CNGA3: variants seen among roughly 807,000 people sequenced by gnomAD.
The protein encoded by CNGA3 is cyclic nucleotide-gated channel alpha-3.
A neutral mutation model predicts 46.6 loss-of-function variants in CNGA3; 42 were observed. The ratio of observed to expected loss-of-function variants is 0.90; its 90% CI spans 0.70 to 1.17. The LOEUF (loss-of-function observed/expected upper bound fraction) is 1.17, where lower values mean the gene tolerates loss of function less well. Ranked by LOEUF, CNGA3 falls within the 50% of genes most tolerant of loss-of-function variation. CNGA3 has a pLI of 0.00. For missense variants in CNGA3, 893 were observed against 890.7 expected, an observed-to-expected ratio of 1.00 and a Z score of -0.03; for synonymous variants, 394 against 369.4, an observed-to-expected ratio of 1.07 and a Z score of -0.76.
At chr2:98,366,984 T>G (rs1292543947) in intron 1 of CNGA3, among the ~76,000 whole-genome samples, 1 of 152,066 alleles carries the variant, frequency 6.6e-6, no homozygotes, top group Non-Finnish European at 1.5e-5. Context: ...CTCTTTTGGC[T>G]GAGAATGAGA....
intron 2 of CNGA3, among the ~76,000 whole-genome samples, chr2:98,375,059 C>G (rs1391535547): frequency 6.6e-6 from 1 of 152,238 alleles, no homozygotes; most frequent in Non-Finnish European, 1.5e-5. Context: ...GCCACCTTTC[C>G]ACTCTGCCTC....
Position 98,395,978 on chromosome 2 carries a change from T to A in CNGA3, c.808T>A (p.Tyr270Asn), listed in dbSNP as rs768321000. 6.2e-7 allele frequency: 1 copy of A among 1,614,224 alleles called. No individual in the cohort carries two copies. Among genetic ancestry groups the A allele is most frequent in the Non-Finnish European group, 8.5e-7 (1 of 1,180,030 alleles). The stretch of plus-strand genomic sequence containing the variant: ...GGCTTACTTAAAGGTGGGCACAAAC[T>A]ACCCAGAAGTGAGGTTCAACCGCCT... ...DLAYLKVGTN[Y>N]PEVRFNRLLK... The change falls in exon 8 of 8, where the codon TAC becomes AAC. Residue 270 changes from tyrosine (Y) to asparagine (N), a missense_variant. By Grantham distance (143) the Tyr-to-Asn change is moderately radical. This residue lies in a region of CNGA3 where 548 missense variants were observed against 570.8 expected (regional missense o/e 0.96). Coordinates refer to ENST00000272602, the MANE Select transcript of CNGA3 (RefSeq NM_001298.3).
chr2:98,392,310 A>G (rs1399184895), intron 7 of CNGA3, among the ~76,000 whole-genome samples: 2 of 152,216 alleles, frequency 1.3e-5, no homozygotes, highest in Non-Finnish European at 2.9e-5. Context: ...CTGTAATCCT[A>G]GGACTTTGGG....
intron 7 of CNGA3, among the ~76,000 whole-genome samples, chr2:98,393,786 G>T (rs1214697808): frequency 6.6e-6 from 1 of 151,970 alleles, no homozygotes. Flanking sequence ...GGAGGCACAG[G>T]AATCACACTC....
chr2:98,350,634 C>T (rs779162242), intron 1 of CNGA3: 1 of 152,230 alleles, frequency 6.6e-6, no homozygotes, highest in Non-Finnish European at 1.5e-5. Context: ...TGAATCATCT[C>T]TGCAGAGACC....
At chr2:98,372,953 C>A (rs1197920252) in intron 2 of CNGA3, among the ~76,000 whole-genome samples, 3 of 152,204 alleles carry the variant, frequency 2.0e-5, no homozygotes, top group Non-Finnish European at 4.4e-5. Context: ...AATACAGTAT[C>A]CCGTGGAAAC....
At chr2:98,395,090 T>A (rs1692877024) in intron 7 of CNGA3, among the ~76,000 whole-genome samples, 1 of 152,194 alleles carries the variant, frequency 6.6e-6, no homozygotes, top group Non-Finnish European at 1.5e-5. Flanking sequence ...GATCTTACTG[T>A]GACTTGTGTT....
At chr2:98,367,277 C>G in intron 1 of CNGA3, among the ~76,000 whole-genome samples, 1 of 151,066 alleles carries the variant, frequency 6.6e-6, no homozygotes, top group Non-Finnish European at 1.5e-5. Flanking sequence ...TCACCGCAAG[C>G]TCCGCCTCCC....
At chr2:98,388,595 G>A (rs1482995998) in intron 5 of CNGA3, among the ~76,000 whole-genome samples, 2 of 152,240 alleles carry the variant, frequency 1.3e-5, no homozygotes, top group African/African-American at 2.4e-5. Context: ...GGGCTTATAA[G>A]TAAAGAGAGT....
chr2:98,372,859 C>T (rs1489089950), intron 2 of CNGA3, among the ~76,000 whole-genome samples: 1 of 152,162 alleles, frequency 6.6e-6, no homozygotes, highest in Non-Finnish European at 1.5e-5. Context: ...CCAAGCCCTG[C>T]TGTTTCAGCC....
chr2:98,349,994 C>T (rs62156268), intron 1 of CNGA3, among the ~76,000 whole-genome samples: 19,194 of 152,190 alleles, frequency 0.13, 1,803 homozygotes, highest in Non-Finnish European at 0.19. Flanking sequence ...TAGTTTTGCT[C>T]CAAGGAAAAC....
At chr2:98,378,573 T>C (rs377524191) in intron 3 of CNGA3, among the ~76,000 whole-genome samples, 82 of 152,372 alleles carry the variant, frequency 5.4e-4, no homozygotes, top group African/African-American at 1.9e-3. Flanking sequence ...TTATTCTTCA[T>C]GCTTTTCATT....
chr2:98,347,294 A>C (rs1398553854), intron 1 of CNGA3: 1 of 152,146 alleles, frequency 6.6e-6, no homozygotes, highest in Non-Finnish European at 1.5e-5. Flanking sequence ...TCGGTGATGG[A>C]GGAGAAGGGG....
At chr2:98,384,413 T>C (rs887558640) in intron 5 of CNGA3, among the ~76,000 whole-genome samples, 12 of 152,294 alleles carry the variant, frequency 7.9e-5, no homozygotes, top group Admixed American at 5.2e-4. Flanking sequence ...CCTATATCAG[T>C]GAGAAATGCC....
chr2:98,354,142 T>C (rs989247994), intron 1 of CNGA3, among the ~76,000 whole-genome samples: 19 of 152,236 alleles, frequency 1.2e-4, no homozygotes, highest in South Asian at 2.1e-4. Context: ...TAGTAGTACC[T>C]AATACAGTGT....
At chr2:98,390,614 G>A (rs575514787) in intron 6 of CNGA3, among the ~76,000 whole-genome samples, 53 of 152,162 alleles carry the variant, frequency 3.5e-4, no homozygotes, top group Admixed American at 9.2e-4. Flanking sequence ...TCCTGAGCAC[G>A]CTGTCCACCA....
chr2:98,350,461 A>G (rs984848951), intron 1 of CNGA3, among the ~76,000 whole-genome samples: 5 of 152,254 alleles, frequency 3.3e-5, no homozygotes, highest in African/African-American at 7.2e-5. Context: ...TGGAGCATCT[A>G]TAGAGTTGGC....
intron 3 of CNGA3, chr2:98,378,013 A>G (rs1692448148): frequency 1.1e-5 from 17 of 1,538,692 alleles, no homozygotes; most frequent in Non-Finnish European, 1.4e-5. Context: ...AACTGCCTTT[A>G]TCTGAAATTG....
At chr2:98,373,210 T>C (rs979213746) in intron 2 of CNGA3, among the ~76,000 whole-genome samples, 1 of 152,172 alleles carries the variant, frequency 6.6e-6, no homozygotes, top group African/African-American at 2.4e-5. Context: ...GAGGTCTCTA[T>C]GTGAGACTGA....
Sources: allele counts gnomAD v4.1 joint callset (sites outside exome capture counted in the v4.1 genomes callset), GRCh38; gene constraint gnomAD v4.1.1; regional missense constraint gnomAD v4.1.1; transcripts MANE v1.5; gene names NCBI Gene and HGNC (gene_info 2026-07-23, HGNC 2026-07-21).